The following MSI2 variants were observed in gnomAD, a reference collection of about 807,000 sequenced individuals.
The protein encoded by MSI2 is musashi RNA binding protein 2, also known as RNA-binding protein Musashi homolog 2.
A neutral mutation model predicts 45.6 loss-of-function variants in MSI2; 17 were observed. That is an observed-to-expected ratio of 0.37 (90% CI 0.26 to 0.56). The LOEUF is 0.56. Ranked by LOEUF, MSI2 falls within the 20% of genes least tolerant of loss-of-function variation. MSI2 has a pLI of 0.77. For synonymous variants in MSI2, 156 were observed against 158.2 expected, an observed-to-expected ratio of 0.99 and a Z score of 0.11; for missense variants, 293 against 444.2, an observed-to-expected ratio of 0.66 and a Z score of 3.06.
rs184417887 is a variant in MSI2 at position 57,521,026 on chromosome 17, A to G, written c.406-8650A>G. Among the ~76,000 whole-genome samples the G allele has an allele frequency of 2.3e-4, 35 of 152,332 alleles. No individual in the cohort carries two copies. The East Asian group carries it at 6.4e-3, about 28-fold the overall frequency. On this transcript the variant is annotated intron_variant, in intron 6 of 13. Coordinates refer to ENST00000284073, the MANE Select transcript of MSI2 (RefSeq NM_138962.4). ...TTAGTCAGTAAAGGCCTGGGTTCAA[A>G]TTAAAATAAACAGGCTTTCAGATGG...
the MSI2 span, among the ~76,000 whole-genome samples, chr17:57,700,584 C>T: frequency 6.6e-6 from 1 of 152,092 alleles, no homozygotes; most frequent in Non-Finnish European, 1.5e-5. Context: ...TTGACCTCAC[C>T]ACAAGCAATG....
intron 5 of MSI2, among the ~76,000 whole-genome samples, chr17:57,396,704 GT>G: frequency 6.6e-6 from 1 of 152,248 alleles, no homozygotes; most frequent in Non-Finnish European, 1.5e-5. Context: ...GAGCAGCGGT[GT>G]TTAGTTAAAT....
intron 6 of MSI2, among the ~76,000 whole-genome samples, chr17:57,520,890 C>T (rs982357506): frequency 2.6e-5 from 4 of 151,856 alleles, no homozygotes; most frequent in Admixed American, 2.0e-4. Flanking sequence ...GTCTTGAACT[C>T]GGGACCTCAA....
chr17:57,508,173 C>G (rs949412593), intron 6 of MSI2, among the ~76,000 whole-genome samples: 2 of 152,180 alleles, frequency 1.3e-5, no homozygotes, highest in African/African-American at 2.4e-5. Flanking sequence ...TGCTTCGTCA[C>G]CCATTCCCTT....
chr17:57,675,613 A>G (rs1448678542), intron 12 of MSI2, among the ~76,000 whole-genome samples: 1 of 152,158 alleles, frequency 6.6e-6, no homozygotes, highest in East Asian at 1.9e-4. Context: ...TCCCCACCAG[A>G]GTAGCAGCCT....
chr17:57,616,135 G>A, intron 9 of MSI2, 51 bp downstream of exon 9: 1 of 1,432,864 alleles, frequency 7.0e-7, no homozygotes, highest in South Asian at 1.2e-5. Flanking sequence ...GGCTATGGAG[G>A]CCTCTACTCC....
intron 9 of MSI2, among the ~76,000 whole-genome samples, chr17:57,621,033 G>A (rs192636849): frequency 5.6e-4 from 85 of 152,344 alleles, no homozygotes; most frequent in South Asian, 5.2e-3. Context: ...TCTAAGCGAG[G>A]AGACTGCCAT....
intron 6 of MSI2, among the ~76,000 whole-genome samples, chr17:57,514,664 T>G (rs1367729691): frequency 6.6e-6 from 1 of 151,844 alleles, no homozygotes; most frequent in Non-Finnish European, 1.5e-5. Context: ...TTTTTTTTTT[T>G]TTTTTTTTAA....
chr17:57,411,188 G>T (rs1251525256), intron 6 of MSI2, among the ~76,000 whole-genome samples: 2 of 151,972 alleles, frequency 1.3e-5, no homozygotes, highest in African/African-American at 2.4e-5. Context: ...TGTATTTTTA[G>T]TAGAGACAGG....
rs1905270704 is a variant in MSI2 at position 57,596,661 on chromosome 17, T to C, written c.455-207T>C. Among the ~76,000 whole-genome samples the C allele has an allele frequency of 6.6e-6, 1 of 152,156 alleles. No individual in the cohort carries two copies. The stretch of plus-strand genomic sequence containing the variant: ...CAGTGCCCGCTGCATGTGGGTGAAA[T>C]CATTAACTTTTCCTCGCTGTCGGAA... On this transcript the variant is annotated intron_variant, in intron 7 of 13. Transcript: ENST00000284073. This position sits in a 1 kb window ranked among gnomAD's most constrained non-coding sequence, Gnocchi z 4.6.
At chr17:57,422,337 G>C (rs553399154) in intron 6 of MSI2, among the ~76,000 whole-genome samples, 1 of 152,148 alleles carries the variant, frequency 6.6e-6, no homozygotes, top group Non-Finnish European at 1.5e-5. Flanking sequence ...GCAGGTGCCC[G>C]TAGTCTCAGC....
At chr17:57,427,229 T>C (rs2084509460) in intron 6 of MSI2, among the ~76,000 whole-genome samples, 1 of 151,666 alleles carries the variant, frequency 6.6e-6, no homozygotes, top group African/African-American at 2.4e-5. Flanking sequence ...AAACCCTGTC[T>C]CTAATAAAAA....
At chr17:57,351,257 C>T (rs1415611253) in intron 5 of MSI2, among the ~76,000 whole-genome samples, 1 of 152,110 alleles carries the variant, frequency 6.6e-6, no homozygotes, top group Non-Finnish European at 1.5e-5. Context: ...AAGTAACTAG[C>T]ACACCCACAT....
chr17:57,290,620 AT>A (rs1157664226), intron 5 of MSI2, among the ~76,000 whole-genome samples: 1 of 152,192 alleles, frequency 6.6e-6, no homozygotes, highest in East Asian at 1.9e-4. Flanking sequence ...GCCTGGTTAT[AT>A]TATTCTATAA....
chr17:57,467,658 C>T (rs1057080332), intron 6 of MSI2, among the ~76,000 whole-genome samples: 2 of 152,068 alleles, frequency 1.3e-5, no homozygotes, highest in Non-Finnish European at 2.9e-5. Flanking sequence ...TGTATCCAAC[C>T]AGAGGGCATT....
rs140998424 is a variant in MSI2, at chr17:57,610,801, G to A, written c.538-5169G>A. On this transcript the variant is annotated intron_variant, in intron 8 of 13. Transcript: ENST00000284073. ...TGTCCAGGGGCTAGGTCATTATTCT[G>A]AACCCATTACCATGGGGACTATGAG... Among the ~76,000 whole-genome samples, 3 of 94,366 alleles carry A rather than the reference G, an allele frequency of 3.2e-5. 1 individual carries two copies. Among genetic ancestry groups the A allele is most frequent in the Non-Finnish European group, 7.6e-5 (3 of 39,464 alleles). 61.9% of individuals were successfully genotyped at this position (94,366 alleles called of 152,430 possible).
chr17:57,590,850 T>C (rs1904764565), intron 7 of MSI2, among the ~76,000 whole-genome samples: 1 of 152,184 alleles, frequency 6.6e-6, no homozygotes, highest in South Asian at 2.1e-4. Flanking sequence ...CCACCTCCCC[T>C]AGTTGTCAGT....
rs556156442 is a variant in MSI2 at position 57,352,446 on chromosome 17, G to T, written c.313-48933G>T. On this transcript the variant is annotated intron_variant, in intron 5 of 13. Coordinates refer to ENST00000284073, the MANE Select transcript of MSI2 (RefSeq NM_138962.4). ...GGAGGAAATAGGACTCTAAGACCTT[G>T]GCGGAAAAGAGAAGGGAAGCAGATG... Among the ~76,000 whole-genome samples, 6 of 152,306 alleles carry T rather than the reference G, an allele frequency of 3.9e-5. No homozygotes were observed. The East Asian group carries it at 1.2e-3, about 29-fold the overall frequency.
At chr17:57,570,073 T>G (rs2087837635) in intron 7 of MSI2, among the ~76,000 whole-genome samples, 1 of 152,216 alleles carries the variant, frequency 6.6e-6, no homozygotes, top group South Asian at 2.1e-4. Flanking sequence ...GATGGATGAT[T>G]ACACATCCAT....
Sources: allele counts gnomAD v4.1 joint callset (sites outside exome capture counted in the v4.1 genomes callset), GRCh38; gene constraint gnomAD v4.1.1; non-coding constraint Gnocchi (gnomAD v3.1); transcripts MANE v1.5; gene names NCBI Gene and HGNC (gene_info 2026-07-23, HGNC 2026-07-21).